The following SLC44A1 variants were observed in gnomAD, a reference collection of about 807,000 sequenced individuals.
SLC44A1 encodes solute carrier family 44 member 1.
A neutral mutation model predicts 79.3 loss-of-function variants in SLC44A1; 26 were observed. The ratio of observed to expected loss-of-function variants is 0.33; its 90% confidence interval spans 0.24 to 0.46. The LOEUF is 0.46. Ranked by LOEUF, SLC44A1 falls within the 20% of genes least tolerant of loss-of-function variation. The pLI, the probability that SLC44A1 is intolerant of heterozygous loss-of-function variation, is 1.00. For missense variants in SLC44A1, 688 were observed against 798.1 expected (o/e 0.86, Z 1.66); for synonymous variants, 263 against 286.2 (o/e 0.92, Z 0.82).
chr9:105,310,772 A>G (rs971034034), intron 3 of SLC44A1, among the ~76,000 whole-genome samples: 1 of 152,228 alleles, frequency 6.6e-6, no homozygotes, highest in Non-Finnish European at 1.5e-5. Flanking sequence ...GTATAAGATT[A>G]ATTTGATAAT....
chr9:105,361,412 G>A (rs1827777176), intron 8 of SLC44A1, 82 bp downstream of exon 8: 6 of 1,312,364 alleles, frequency 4.6e-6, no homozygotes, highest in Non-Finnish European at 6.3e-6. Flanking sequence ...CTCAAATCTA[G>A]CTTTTGCATT....
chr9:105,330,718 T>TGTATA (rs1208520666), intron 3 of SLC44A1, among the ~76,000 whole-genome samples: 2 of 152,228 alleles, frequency 1.3e-5, no homozygotes, highest in African/African-American at 4.8e-5. Flanking sequence ...TTCCTGCCTG[T>TGTATA]TGGGATAATT....
intron 15 of SLC44A1, among the ~76,000 whole-genome samples, chr9:105,432,726 A>T (rs1420728793): frequency 6.6e-6 from 1 of 152,226 alleles, no homozygotes; most frequent in Non-Finnish European, 1.5e-5. Flanking sequence ...TGGAACAAAG[A>T]TGGTTTTCTG....
At chr9:105,302,766 A>G (rs1432211512) in intron 2 of SLC44A1, among the ~76,000 whole-genome samples, 1 of 151,984 alleles carries the variant, frequency 6.6e-6, no homozygotes, top group Non-Finnish European at 1.5e-5. Context: ...GTTGAGACCC[A>G]CTATTATAGG....
intron 4 of SLC44A1, among the ~76,000 whole-genome samples, chr9:105,346,555 G>A (rs112651128): frequency 0.024 from 3,702 of 152,132 alleles, 49 homozygotes; most frequent in Middle Eastern, 0.048. Flanking sequence ...ACTTATTGGC[G>A]CAGTTGCTAT....
chr9:105,288,699 A>T lies in SLC44A1; in HGVS notation c.37-10521A>T, dbSNP rs574390555. Among the ~76,000 whole-genome samples the T allele has an allele frequency of 2.6e-5, 4 of 152,326 alleles. No homozygotes were observed. The East Asian group carries it at 7.7e-4, about 29-fold the overall frequency. ...CTTGGGCTTCTGAAATGTATTGCCA[A>T]ATTACTTTCTAAAAGTGGTTAACCA... On this transcript the variant is annotated intron_variant, in intron 1 of 15. Coordinates refer to ENST00000374720, the MANE Select transcript of SLC44A1 (RefSeq NM_080546.5).
At chr9:105,303,426 C>T (rs184775527) in intron 2 of SLC44A1, among the ~76,000 whole-genome samples, 188 of 152,028 alleles carry the variant, frequency 1.2e-3, no homozygotes, top group Middle Eastern at 6.8e-3. Context: ...GCTGGATGGC[C>T]CTAACAAGAG....
chr9:105,392,281 T>A lies in SLC44A1; in HGVS notation c.*3225T>A. The stretch of plus-strand genomic sequence containing the variant: ...CCTAAGTCACTACAACTTAAGTAGC[T>A]TAACTGTATGTTGGTACCCAAACTT... On this transcript the variant is annotated 3_prime_UTR_variant, in exon 16 of 16. Transcript: ENST00000374720. The A allele has an allele frequency of 1.0e-6, 1 of 984,034 alleles. No homozygotes were observed. The highest frequency in any genetic ancestry group is 1.2e-6 in the Non-Finnish European group (1 of 828,654). 61.0% of individuals were successfully genotyped at this position (984,034 alleles called of 1,614,324 possible).
At chr9:105,373,996 A>C (rs1442642838) in intron 12 of SLC44A1, among the ~76,000 whole-genome samples, 1 of 152,198 alleles carries the variant, frequency 6.6e-6, no homozygotes, top group Non-Finnish European at 1.5e-5. Flanking sequence ...TGACAGTCTC[A>C]CTGGGATTGA....
In SLC44A1 at chr9:105,384,467, C is replaced by G. The variant is rs1253189618; in HGVS notation, c.1870-955C>G. 2.0e-5 allele frequency among the ~76,000 whole-genome samples: 3 copies of G among 152,146 alleles called. No homozygotes were observed. The East Asian group carries it at 5.8e-4, about 29-fold the overall frequency. Reference sequence around the variant, plus strand: ...AAATGCTGGGATTACAGGTGTGAGCCTCCATGCCCAGCCTAGATTTTTTTT... The same window carrying G: ...AAATGCTGGGATTACAGGTGTGAGCGTCCATGCCCAGCCTAGATTTTTTTT... On this transcript the variant is annotated intron_variant, in intron 14 of 15. Coordinates refer to ENST00000374720, the MANE Select transcript of SLC44A1 (RefSeq NM_080546.5).
intron 4 of SLC44A1, among the ~76,000 whole-genome samples, chr9:105,344,486 C>T (rs898826815): frequency 1.3e-5 from 2 of 152,106 alleles, no homozygotes; most frequent in African/African-American, 4.8e-5. Flanking sequence ...GGACAGCCCC[C>T]TACAACCAAG....
chr9:105,293,099 G>A (rs548461173), intron 1 of SLC44A1, among the ~76,000 whole-genome samples: 2 of 152,328 alleles, frequency 1.3e-5, no homozygotes, highest in South Asian at 4.1e-4. Context: ...CAAGGCTGCA[G>A]TGAACCATGA....
intron 1 of SLC44A1, among the ~76,000 whole-genome samples, chr9:105,267,457 C>T (rs1391848285): frequency 1.3e-5 from 2 of 152,064 alleles, no homozygotes; most frequent in Non-Finnish European, 2.9e-5. Flanking sequence ...ATTTCTTCCC[C>T]GTTTCTGAAT....
At chr9:105,351,564 G>GAA (rs1209550941) in intron 5 of SLC44A1, among the ~76,000 whole-genome samples, 10 of 121,862 alleles carry the variant, frequency 8.2e-5, no homozygotes, top group African/African-American at 3.4e-4. Flanking sequence ...AAGAGAGAAA[G>GAA]AGAGAAAGAG....
chr9:105,273,217 C>T (rs1487851854), intron 1 of SLC44A1, among the ~76,000 whole-genome samples: 1 of 152,160 alleles, frequency 6.6e-6, no homozygotes, highest in African/African-American at 2.4e-5. Context: ...ATCTCGAACT[C>T]CCGACCTCGG....
rs538421971 is a variant in SLC44A1 at position 105,310,826 on chromosome 9, A to T, written c.269+960A>T. Among the ~76,000 whole-genome samples the T allele has an allele frequency of 9.8e-5, 15 of 152,352 alleles. 1 individual carries two copies. The South Asian group carries it at 1.7e-3, about 17-fold the overall frequency. On this transcript the variant is annotated intron_variant, in intron 3 of 15. Coordinates refer to ENST00000374720, the MANE Select transcript of SLC44A1 (RefSeq NM_080546.5). ...TCCAAATAGTTAATTTCTCAGCGTT[A>T]TTACTCCCATTAATGAAGATAAGAT...
At chr9:105,437,021 A>G (rs1009990117) in intron 15 of SLC44A1, among the ~76,000 whole-genome samples, 1 of 152,156 alleles carries the variant, frequency 6.6e-6, no homozygotes, top group Non-Finnish European at 1.5e-5. Flanking sequence ...TTAGGACTGT[A>G]TCTCGTTACT....
chr9:105,335,774 T>A, intron 4 of SLC44A1, 75 bp downstream of exon 4: 1 of 1,342,384 alleles, frequency 7.4e-7, no homozygotes, highest in Non-Finnish European at 1.0e-6. Flanking sequence ...GCCCTAGTGT[T>A]AAATAAATTA....
intron 3 of SLC44A1, among the ~76,000 whole-genome samples, chr9:105,325,995 G>A (rs1373115790): frequency 3.9e-5 from 6 of 152,076 alleles, no homozygotes; most frequent in Admixed American, 6.5e-5. Flanking sequence ...TTCTCAGTAT[G>A]AGTGCTGAAA....
Sources: gnomAD v4.1 joint callset for allele counts (sites outside exome capture counted in the v4.1 genomes callset) on GRCh38, gnomAD v4.1.1 for gene constraint, MANE v1.5 for transcripts, NCBI Gene and HGNC (gene_info 2026-07-23, HGNC 2026-07-21) for gene names.